NBEA: variants seen among roughly 807,000 people sequenced by gnomAD.
NBEA encodes the protein lysosomal-trafficking regulator 2.
A neutral mutation model predicts 343.4 loss-of-function variants in NBEA; 44 were observed. The observed-to-expected ratio is 0.13, with a 90% CI of 0.10 to 0.16. The LOEUF is 0.16. Ranked by LOEUF, NBEA falls within the 10% of genes least tolerant of loss-of-function variation. The probability of loss-of-function intolerance (pLI) is 1.00; values close to 1 mark genes in which losing one functional copy is unlikely to be tolerated. For synonymous variants in NBEA, 1,175 were observed against 1,238.7 expected (o/e 0.95, Z 1.08); for missense variants, 2,555 against 3,631.3 (o/e 0.70, Z 7.62).
Position 35,030,042 on chromosome 13 carries a change from A to G in NBEA, c.295-10891A>G, listed in dbSNP as rs549927657. Reference sequence around the variant, plus strand: ...ACAAAGATGCATTCAGATTTGTAGGATGTCTCAACTGGTTTATCCTTCTCT... The same window carrying G: ...ACAAAGATGCATTCAGATTTGTAGGGTGTCTCAACTGGTTTATCCTTCTCT... On this transcript the variant is annotated intron_variant, in intron 1 of 58. Transcript: ENST00000379939. 4.7e-4 allele frequency among the ~76,000 whole-genome samples: 72 copies of G among 151,764 alleles called. 1 individual carries two copies. In the South Asian group the frequency reaches 0.014, roughly 29 times the overall value.
chr13:35,529,118 T>TA (rs34917239), intron 41 of NBEA, among the ~76,000 whole-genome samples: 71,854 of 151,846 alleles, frequency 0.47, 18,442 homozygotes, highest in East Asian at 0.75. Flanking sequence ...TGATTCACAA[T>TA]ACCCTTTGAG....
In NBEA at chr13:34,942,893, G is replaced by T. The variant is rs1363004176; in HGVS notation, c.73G>T (p.Ala25Ser). Residue 25 changes from alanine to serine, a missense_variant, in exon 1 of 59, where the codon GCT becomes TCT. Physicochemically the swap from Ala to Ser is moderately conservative, Grantham distance 99. Around this residue, in one of 21 missense-constraint regions of NBEA, gnomAD observed 122 missense variants for 91.0 expected, o/e 1.34. Transcript: ENST00000379939. ...CGTGGGGCTCATTGCCGTCGGGGCC[G>T]CTGGCGGAGGCGGCGGGGGCAGCGG... is the stretch of plus-strand genomic sequence containing the variant. ...QPVGLIAVGA[A>S]GGGGGGSGGG... is the part of the protein sequence containing the mutation. 2.1e-6 allele frequency: 3 copies of T among 1,460,874 alleles called. No individual in the cohort carries two copies. The highest frequency in any genetic ancestry group is 5.4e-5 in the East Asian group (2 of 37,356). 90.5% of individuals were successfully genotyped at this position (1,460,874 alleles called of 1,614,324 possible). A position where few individuals can be genotyped will look rare whatever the true frequency, so the allele number is the denominator to read the frequency against.
chr13:35,662,888 G>C lies in NBEA; in HGVS notation c.8363-2197G>C, dbSNP rs1023283705. Among the ~76,000 whole-genome samples the C allele has an allele frequency of 5.3e-5, 8 of 151,970 alleles. No homozygotes were observed. The East Asian group carries it at 1.5e-3, about 29-fold the overall frequency. ...TAAATGAATTAAGTGTATAATTTCAGGGTTTTCCAGTGTGCTAGTCTCTCC... is the reference window on the plus strand; with the variant it reads ...TAAATGAATTAAGTGTATAATTTCACGGTTTTCCAGTGTGCTAGTCTCTCC... On this transcript the variant is annotated intron_variant, in intron 55 of 58. Coordinates refer to ENST00000379939, the MANE Select transcript of NBEA (RefSeq NM_001385012.1).
At chr13:35,324,191 G>T (rs765725135) in intron 36 of NBEA, among the ~76,000 whole-genome samples, 1 of 152,202 alleles carries the variant, frequency 6.6e-6, no homozygotes, top group Non-Finnish European at 1.5e-5. Context: ...TACACCAAAG[G>T]TGAGAAGTGA....
rs941585925 is a variant in NBEA, at chr13:35,309,647, G to A, written c.5903+55G>A. 5.1e-5 allele frequency: 50 copies of A among 981,842 alleles called. No individual in the cohort carries two copies. The African/African-American group carries it at 7.8e-4, about 15-fold the overall frequency. 60.8% of individuals were successfully genotyped at this position (981,842 alleles called of 1,614,324 possible). ...GTCAGTGTACATTTTATTCCACTGG[G>A]CAATTGCTCTTTCCTACCATCTGTT... On this transcript the variant is annotated intron_variant, in intron 36 of 58. Coordinates refer to ENST00000379939, the MANE Select transcript of NBEA (RefSeq NM_001385012.1).
intron 1 of NBEA, among the ~76,000 whole-genome samples, chr13:35,008,991 A>G (rs1208792132): frequency 1.3e-5 from 2 of 152,210 alleles, no homozygotes; most frequent in Non-Finnish European, 1.5e-5. Flanking sequence ...GTCTGGGCTT[A>G]CATCTCTGGG....
intron 49 of NBEA, among the ~76,000 whole-genome samples, chr13:35,643,265 G>C (rs117568328): frequency 6.6e-6 from 1 of 151,848 alleles, no homozygotes; most frequent in Admixed American, 6.6e-5. Context: ...TCTGTCACTC[G>C]TCTGGGCTCC....
chr13:35,624,406 A>T (rs1195306699), intron 48 of NBEA, among the ~76,000 whole-genome samples: 1 of 152,150 alleles, frequency 6.6e-6, no homozygotes, highest in Admixed American at 6.5e-5. Flanking sequence ...TTTATTTTTT[A>T]ACTCTAATAA....
intron 38 of NBEA, among the ~76,000 whole-genome samples, chr13:35,422,804 C>T (rs1161671402): frequency 6.6e-6 from 1 of 152,216 alleles, no homozygotes; most frequent in Non-Finnish European, 1.5e-5. Context: ...TCCTCTCCAG[C>T]ATCTGTTGTT....
intron 3 of NBEA, 93 bp from the exon 4 acceptor site, chr13:35,045,213 C>T: frequency 1.6e-6 from 2 of 1,225,028 alleles, no homozygotes; most frequent in Non-Finnish European, 2.3e-6. Context: ...ATTTTTCTCT[C>T]TAGTTAGAAA....
chr13:35,547,497 G>A (rs1287695128), intron 41 of NBEA, among the ~76,000 whole-genome samples: 2 of 152,178 alleles, frequency 1.3e-5, no homozygotes, highest in African/African-American at 2.4e-5. Flanking sequence ...AGGAATCAGA[G>A]TGCAATTTAG....
chr13:35,031,607 A>G (rs2062221257), intron 1 of NBEA, among the ~76,000 whole-genome samples: 1 of 151,574 alleles, frequency 6.6e-6, no homozygotes, highest in Admixed American at 6.6e-5. Context: ...ACTTAACTCA[A>G]TTATCTCATT....
intron 1 of NBEA, among the ~76,000 whole-genome samples, chr13:35,010,422 G>A (rs1468082475): frequency 1.3e-5 from 2 of 151,342 alleles, no homozygotes; most frequent in East Asian, 2.0e-4. Flanking sequence ...TACAAAAAGC[G>A]AAACAAATAT....
In NBEA at chr13:35,121,351, C is replaced by T. The variant is rs752318454; in HGVS notation, c.2244-2131C>T. On this transcript the variant is annotated intron_variant, in intron 16 of 58. Coordinates refer to ENST00000379939, the MANE Select transcript of NBEA (RefSeq NM_001385012.1). ...TGAACTTCTGCGCTCAGGCAGTCTG[C>T]CCACCTTGACCTCCTAAAGTGTTAG... is the stretch of plus-strand genomic sequence containing the variant. Among the ~76,000 whole-genome samples the T allele has an allele frequency of 7.2e-5, 11 of 152,226 alleles. No individual in the cohort carries two copies. In the East Asian group the frequency reaches 2.1e-3, roughly 29 times the overall value.
At chr13:35,083,267 A>T (rs1159176720) in intron 10 of NBEA, among the ~76,000 whole-genome samples, 1 of 152,050 alleles carries the variant, frequency 6.6e-6, no homozygotes, top group African/African-American at 2.4e-5. Flanking sequence ...GTTCTGTTCC[A>T]TTGGTCTATA....
chr13:35,123,450 A>G, intron 16 of NBEA, 32 bp from the exon 17 acceptor site: 1 of 1,278,178 alleles, frequency 7.8e-7, no homozygotes, highest in Non-Finnish European at 1.1e-6. Flanking sequence ...AATATTAGTA[A>G]GTTTTTAAAA....
chr13:35,046,016 A>C (rs1460797478), intron 4 of NBEA, among the ~76,000 whole-genome samples: 1 of 151,850 alleles, frequency 6.6e-6, no homozygotes, highest in Non-Finnish European at 1.5e-5. Flanking sequence ...GAGCCACTGC[A>C]CCCGGCCTGG....
chr13:35,192,354 T>C lies in NBEA; in HGVS notation c.4928-3510T>C, dbSNP rs139532535. Among the ~76,000 whole-genome samples, 25 of 152,118 alleles carry C rather than the reference T, an allele frequency of 1.6e-4. No individual in the cohort carries two copies. The East Asian group carries it at 4.4e-3, about 27-fold the overall frequency. On this transcript the variant is annotated intron_variant, in intron 30 of 58. Transcript: ENST00000379939. The stretch of plus-strand genomic sequence containing the variant: ...AAATGCATACTGAGAAATATGTAGG[T>C]TTTTTGACTACTGATCTGTTTTTTT...
At chr13:35,629,937 T>G (rs894616236) in intron 49 of NBEA, among the ~76,000 whole-genome samples, 1 of 152,202 alleles carries the variant, frequency 6.6e-6, no homozygotes, top group Non-Finnish European at 1.5e-5. Flanking sequence ...TCATAGGCAT[T>G]TTTGCTTTTG....
Sources: allele counts gnomAD v4.1 joint callset (sites outside exome capture counted in the v4.1 genomes callset), GRCh38; gene constraint gnomAD v4.1.1; regional missense constraint gnomAD v4.1.1; transcripts MANE v1.5; gene names NCBI Gene and HGNC (gene_info 2026-07-23, HGNC 2026-07-21).